Variants in PTPRJ observed in about 807,000 individuals in gnomAD.
PTPRJ encodes receptor-type tyrosine-protein phosphatase eta.
PTPRJ carries 129 observed loss-of-function variants against 141.3 expected under a neutral mutation model. That is an observed-to-expected ratio of 0.91 (90% CI 0.79 to 1.06). The LOEUF (loss-of-function observed/expected upper bound fraction) is 1.06. PTPRJ is among the 50% of genes least tolerant of loss of function. The pLI, the probability that PTPRJ is intolerant of heterozygous loss-of-function variation, is 0.00. For synonymous variants in PTPRJ, 610 were observed against 640.5 expected, an observed-to-expected ratio of 0.95 and a Z score of 0.72; for missense variants, 1,601 against 1,679.7, an observed-to-expected ratio of 0.95 and a Z score of 0.82.
rs533721043 is a variant in PTPRJ, at chr11:48,048,623, G to T, written c.97-61435G>T. ...AGCCTGGCCAACACGGCGAAACCCCGTCTCTACTAAAAATACAAAAATTAA... is the reference window on the plus strand; with the variant it reads ...AGCCTGGCCAACACGGCGAAACCCCTTCTCTACTAAAAATACAAAAATTAA... On this transcript the variant is annotated intron_variant, in intron 1 of 24. Transcript: ENST00000418331. 3.9e-5 allele frequency among the ~76,000 whole-genome samples: 6 copies of T among 151,976 alleles called. No individual in the cohort carries two copies. The South Asian group carries it at 1.2e-3, about 32-fold the overall frequency.
rs150435992 is a variant in PTPRJ, at chr11:48,012,030, G to A, written c.96+31022G>A. ...GAAGATTTAGATCTGCTCTGTTGAA[G>A]TGACAGAGTACGGTGGTTTCCATTT... On this transcript the variant is annotated intron_variant, in intron 1 of 24. Coordinates refer to ENST00000418331, the MANE Select transcript of PTPRJ (RefSeq NM_002843.4). Among the ~76,000 whole-genome samples, 112 of 152,280 alleles carry A rather than the reference G, an allele frequency of 7.4e-4. 2 individuals are homozygous for A. In the East Asian group the frequency reaches 0.02, roughly 27 times the overall value.
At chr11:48,109,675 G>T (rs1037471219) in intron 1 of PTPRJ, among the ~76,000 whole-genome samples, 2 of 143,134 alleles carry the variant, frequency 1.4e-5, no homozygotes, top group African/African-American at 2.5e-5. Flanking sequence ...CCTTTTTTTG[G>T]CCCTGACAAT....
chr11:48,040,194 C>A (rs1854239488), intron 1 of PTPRJ, among the ~76,000 whole-genome samples: 1 of 152,246 alleles, frequency 6.6e-6, no homozygotes, highest in Non-Finnish European at 1.5e-5. Context: ...GTAGGTGTTA[C>A]TTCTCACCGA....
intron 1 of PTPRJ, among the ~76,000 whole-genome samples, chr11:48,066,098 T>C (rs1855075517): frequency 6.6e-6 from 1 of 152,122 alleles, no homozygotes; most frequent in Non-Finnish European, 1.5e-5. Flanking sequence ...GTGAGCTCTA[T>C]AGTCATGCCA....
chr11:48,013,227 T>G (rs1437759988), intron 1 of PTPRJ, among the ~76,000 whole-genome samples: 1 of 152,090 alleles, frequency 6.6e-6, no homozygotes, highest in South Asian at 2.1e-4. Context: ...CCCAGGCCCC[T>G]TATTTTCTTT....
At chr11:48,156,209 T>A in intron 21 of PTPRJ, 90 bp downstream of exon 21, 1 of 1,170,014 alleles carries the variant, frequency 8.5e-7, no homozygotes, top group Non-Finnish European at 1.2e-6. Flanking sequence ...ATTTGTTTCT[T>A]TAAAAAAACT....
At chr11:48,003,831 G>A (rs1362288218) in intron 1 of PTPRJ, among the ~76,000 whole-genome samples, 1 of 152,172 alleles carries the variant, frequency 6.6e-6, no homozygotes, top group Non-Finnish European at 1.5e-5. Context: ...TTGCACACAT[G>A]CCAATTGGGC....
chr11:48,060,629 G>T (rs918483634), intron 1 of PTPRJ, among the ~76,000 whole-genome samples: 1 of 152,176 alleles, frequency 6.6e-6, no homozygotes, highest in Non-Finnish European at 1.5e-5. Flanking sequence ...AGGTTGTTTA[G>T]TGTTTCTATT....
intron 19 of PTPRJ, among the ~76,000 whole-genome samples, chr11:48,154,955 C>G (rs1857566825): frequency 6.6e-6 from 1 of 152,060 alleles, no homozygotes; most frequent in South Asian, 2.1e-4. Flanking sequence ...AGACTCAGGT[C>G]AGTACTAGAC....
intron 8 of PTPRJ, among the ~76,000 whole-genome samples, chr11:48,135,048 C>T (rs112099051): frequency 1.3e-5 from 2 of 152,048 alleles, no homozygotes; most frequent in South Asian, 2.1e-4. Context: ...ATATACATAC[C>T]GAAAAGGGAT....
At chr11:48,123,492 C>G in intron 4 of PTPRJ, 121 bp from the exon 5 acceptor site, 1 of 994,948 alleles carries the variant, frequency 1.0e-6, no homozygotes, top group South Asian at 1.8e-5. Flanking sequence ...ACATCAGTGA[C>G]CTCAGTCATT....
At chr11:48,055,220 G>T (rs1854721988) in intron 1 of PTPRJ, among the ~76,000 whole-genome samples, 1 of 152,050 alleles carries the variant, frequency 6.6e-6, no homozygotes, top group Admixed American at 6.6e-5. Context: ...CCCCTAGCAT[G>T]GTGCCTGGCA....
chr11:48,164,260 G>C (rs1857857166), intron 23 of PTPRJ, 120 bp from the exon 24 acceptor site: 5 of 1,267,466 alleles, frequency 3.9e-6, no homozygotes, highest in Non-Finnish European at 4.4e-6. Context: ...TACTGATCCT[G>C]TGCATTGCCC....
intron 1 of PTPRJ, among the ~76,000 whole-genome samples, chr11:48,075,809 C>T (rs931104848): frequency 7.9e-5 from 12 of 152,182 alleles, no homozygotes; most frequent in African/African-American, 2.9e-4. Flanking sequence ...CACATTTTAC[C>T]TTGCCTTTCC....
intron 1 of PTPRJ, among the ~76,000 whole-genome samples, chr11:48,060,965 T>C (rs1854906607): frequency 6.6e-6 from 1 of 152,218 alleles, no homozygotes; most frequent in African/African-American, 2.4e-5. Flanking sequence ...TGGCGGACAC[T>C]ACTGGCTTCC....
intron 1 of PTPRJ, among the ~76,000 whole-genome samples, chr11:47,982,869 G>A (rs1332843799): frequency 6.6e-6 from 1 of 151,364 alleles, no homozygotes; most frequent in Admixed American, 6.6e-5. Context: ...GGTTTGTTCT[G>A]TAGAACCTCA....
At chr11:48,035,096 C>T (rs1854085001) in intron 1 of PTPRJ, among the ~76,000 whole-genome samples, 1 of 152,170 alleles carries the variant, frequency 6.6e-6, no homozygotes, top group Non-Finnish European at 1.5e-5. Context: ...ATGTTCCTTC[C>T]CTGGTGATTC....
intron 1 of PTPRJ, among the ~76,000 whole-genome samples, chr11:48,006,747 C>A (rs1251383733): frequency 6.6e-6 from 1 of 152,132 alleles, no homozygotes; most frequent in Non-Finnish European, 1.5e-5. Context: ...AGTGGCAAGG[C>A]GGACCATCCC....
intron 21 of PTPRJ, 79 bp from the exon 22 acceptor site, chr11:48,159,851 G>A (rs1170599204): frequency 1.3e-6 from 2 of 1,554,662 alleles, no homozygotes; most frequent in Non-Finnish European, 1.8e-6. Context: ...GTTTTCAATA[G>A]CCAGTCTCCC....
Sources: allele counts gnomAD v4.1 joint callset (sites outside exome capture counted in the v4.1 genomes callset), GRCh38; gene constraint gnomAD v4.1.1; transcripts MANE v1.5; gene names NCBI Gene and HGNC (gene_info 2026-07-23, HGNC 2026-07-21).